TRAF2: variants seen among roughly 807,000 people sequenced by gnomAD.
The protein encoded by TRAF2 is TNF receptor-associated factor 2.
Under a neutral mutation model 55.6 loss-of-function variants are expected in TRAF2, and 6 were observed. The ratio of observed to expected loss-of-function variants is 0.11; its 90% confidence interval spans 0.06 to 0.21. TRAF2 has a LOEUF of 0.21. Among genes scored for constraint, TRAF2 ranks in the 10% least tolerant of loss-of-function variants. The pLI, the probability that TRAF2 is intolerant of heterozygous loss-of-function variation, is 1.00. For synonymous variants in TRAF2, 329 were observed against 276.3 expected (o/e 1.19, Z -1.89); for missense variants, 561 against 684.5 (o/e 0.82, Z 2.01).
At chr9:136,922,331 C>T (rs1455837760) in intron 9 of TRAF2, 1 of 152,324 alleles carries the variant, frequency 6.6e-6, no homozygotes, top group South Asian at 2.1e-4. Flanking sequence ...CCTGTTCCTC[C>T]AGGGCTGGGA....
rs763124090 is a variant in TRAF2, at chr9:136,898,765, C to G, written c.25C>G (p.Pro9Ala). 1.1e-5 allele frequency: 17 copies of G among 1,613,542 alleles called. No individual in the cohort carries two copies. Among genetic ancestry groups the G allele is most frequent in the African/African-American group, 2.7e-5 (2 of 74,938 alleles). The change falls in exon 2 of 11, where the codon CCT becomes GCT. Residue 9 changes from proline (P) to alanine (A), a missense_variant. Physicochemically the swap from Pro to Ala is conservative, Grantham distance 27. Around this residue, in one of 2 missense-constraint regions of TRAF2, gnomAD observed 426 missense variants for 476.8 expected, o/e 0.89. Coordinates refer to ENST00000247668, the MANE Select transcript of TRAF2 (RefSeq NM_021138.4). ...CATGGCTGCAGCTAGCGTGACCCCC[C>G]CTGGCTCCCTGGAGTTGCTACAGCC... Reference protein sequence around the residue: MAAASVTPPGSLELLQPGF... With the variant: MAAASVTPAGSLELLQPGF...
intron 4 of TRAF2, 72 bp from the exon 5 acceptor site, chr9:136,907,998 T>A (rs1849996568): frequency 6.5e-7 from 1 of 1,537,224 alleles, no homozygotes; most frequent in African/African-American, 1.4e-5. Context: ...TCGCCTTGTG[T>A]CCCCGGGTGA....
chr9:136,921,453 G>A (rs1358621187), intron 9 of TRAF2, among the ~76,000 whole-genome samples: 3 of 152,102 alleles, frequency 2.0e-5, no homozygotes, highest in East Asian at 1.9e-4. Flanking sequence ...CCCTCCTGCC[G>A]TGCCAGCCCT....
intron 4 of TRAF2, among the ~76,000 whole-genome samples, chr9:136,901,776 T>G (rs1314270528): frequency 6.6e-6 from 1 of 152,144 alleles, no homozygotes. Flanking sequence ...AGCCGGACCC[T>G]GGGGTGTTAC....
At position 136,924,902 on chromosome 9, in the gene TRAF2, C is replaced by A. The variant is rs17250659; in HGVS notation, c.1288-781C>A. Among the ~76,000 whole-genome samples the A allele has an allele frequency of 3.9e-5, 6 of 152,170 alleles. No individual in the cohort carries two copies. In the East Asian group the frequency reaches 1.2e-3, roughly 30 times the overall value. Reference sequence around the variant, plus strand: ...TACAGGCATGCACCACCACGCCCAGCTAATTTTTGTATTTTTAGTAGAGAT... The same window carrying A: ...TACAGGCATGCACCACCACGCCCAGATAATTTTTGTATTTTTAGTAGAGAT... On this transcript the variant is annotated intron_variant, in intron 10 of 10. Transcript: ENST00000247668.
chr9:136,882,286 C>G (rs1420848358), upstream of TRAF2, among the ~76,000 whole-genome samples: 2 of 152,242 alleles, frequency 1.3e-5, no homozygotes, highest in Non-Finnish European at 1.5e-5. Context: ...GATGCATCCA[C>G]AGAGCCCTGC....
chr9:136,910,137 G>A, intron 6 of TRAF2, 143 bp downstream of exon 6: 2 of 922,112 alleles, frequency 2.2e-6, no homozygotes, highest in South Asian at 2.9e-5. Flanking sequence ...GTTGGGTCAT[G>A]GATGCGTTCA....
At chr9:136,891,599 C>G (rs1158946570) in intron 1 of TRAF2, among the ~76,000 whole-genome samples, 1 of 151,960 alleles carries the variant, frequency 6.6e-6, no homozygotes, top group Non-Finnish European at 1.5e-5. Context: ...GAGGGCACAC[C>G]TCTGTCTCCA....
chr9:136,889,707 C>A (rs1455884003), intron 1 of TRAF2: 1 of 152,308 alleles, frequency 6.6e-6, no homozygotes, highest in East Asian at 1.9e-4. Context: ...GATCCTCCAA[C>A]CTCAGCCTCC....
chr9:136,906,670 G>A (rs942474171), intron 4 of TRAF2, among the ~76,000 whole-genome samples: 1 of 152,188 alleles, frequency 6.6e-6, no homozygotes, highest in African/African-American at 2.4e-5. Context: ...AAAAAGCCCT[G>A]TTTAGTTTTA....
intron 10 of TRAF2, 21 bp from the exon 11 acceptor site, chr9:136,925,662 C>A: frequency 8.1e-6 from 13 of 1,612,144 alleles, no homozygotes; most frequent in Non-Finnish European, 1.1e-5. Flanking sequence ...TGTGTCCCCT[C>A]CCTGGGGCTC....
chr9:136,913,061 C>T (rs1022667624), intron 6 of TRAF2, among the ~76,000 whole-genome samples: 3 of 152,062 alleles, frequency 2.0e-5, no homozygotes, highest in Admixed American at 2.0e-4. Flanking sequence ...CGCCTGAACC[C>T]GGGAGGCACA....
Position 136,908,194 on chromosome 9 carries a change from G to A in TRAF2, c.491G>A (p.Arg164Gln), listed in dbSNP as rs767764133. The A allele has an allele frequency of 1.9e-5, 31 of 1,598,854 alleles. No individual in the cohort carries two copies. The East Asian group carries it at 4.2e-4, about 22-fold the overall frequency. Residue 164 changes from arginine to glutamine, a missense_variant, in exon 5 of 11, where the codon CGG becomes CAG. Physicochemically the swap from Arg to Gln is conservative, Grantham distance 43. This residue lies in a region of TRAF2 where 426 missense variants were observed against 476.8 expected (regional missense o/e 0.89). Transcript: ENST00000247668. ...TGCCCGGAGAGAAGCCTGAGCTGCC[G>A]GCATTGCCGGGCACCCTGCTGCGGA... ...HECPERSLSC[R>Q]HCRAPCCGAD...
chr9:136,916,057 G>C (rs955807376), intron 6 of TRAF2, among the ~76,000 whole-genome samples: 2 of 152,154 alleles, frequency 1.3e-5, no homozygotes, highest in Non-Finnish European at 2.9e-5. Context: ...GTTAGTCTCT[G>C]TTTCTTCCCT....
At chr9:136,924,122 C>A in intron 10 of TRAF2, 122 bp downstream of exon 10, 3 of 1,230,954 alleles carry the variant, frequency 2.4e-6, no homozygotes, top group South Asian at 1.4e-5. Context: ...CAGGTGTCTG[C>A]AGCAGGCACG....
chr9:136,885,412 G>C (rs1413557090), upstream of TRAF2, among the ~76,000 whole-genome samples: 1 of 152,180 alleles, frequency 6.6e-6, no homozygotes, highest in African/African-American at 2.4e-5. Flanking sequence ...AGAACCTGCT[G>C]CAGCTCCCGT....
chr9:136,909,944 T>A lies in TRAF2; in HGVS notation c.553T>A (p.Phe185Ile). 6.2e-7 allele frequency: 1 copy of A among 1,614,152 alleles called. No homozygotes were observed. The highest frequency in any genetic ancestry group is 8.5e-7 in the Non-Finnish European group (1 of 1,180,010). The part of the protein sequence containing the change: ...VKAHHEVCPK[F>I]PLTCDGCGKK... ...GGCGCACCACGAGGTCTGCCCCAAG[T>A]TCCCCTTAACTTGTGACGGCTGCGG... The change falls in exon 6 of 11, where the codon TTC becomes ATC. Residue 185 changes from phenylalanine to isoleucine, a missense_variant. Physicochemically the swap from Phe to Ile is conservative, Grantham distance 21 (BLOSUM62 0). Transcript: ENST00000247668.
chr9:136,906,104 C>G (rs930066435), intron 4 of TRAF2, among the ~76,000 whole-genome samples: 1 of 151,904 alleles, frequency 6.6e-6, no homozygotes, highest in Admixed American at 6.6e-5. Flanking sequence ...CATCTCAAAA[C>G]AAAAACAAAA....
At chr9:136,890,149 C>T (rs995627492) in intron 1 of TRAF2, among the ~76,000 whole-genome samples, 2 of 150,134 alleles carry the variant, frequency 1.3e-5, no homozygotes, top group Non-Finnish European at 3.0e-5. Context: ...CAGCCGGTCA[C>T]CGTGTGTGTG....
Sources: allele counts gnomAD v4.1 joint callset (sites outside exome capture counted in the v4.1 genomes callset), GRCh38; gene constraint gnomAD v4.1.1; regional missense constraint gnomAD v4.1.1; transcripts MANE v1.5; gene names NCBI Gene and HGNC (gene_info 2026-07-23, HGNC 2026-07-21).